The following CCDC102B variants were observed in gnomAD, a reference collection of about 807,000 sequenced individuals.
CCDC102B encodes the protein coiled-coil domain-containing protein 102B.
A neutral mutation model predicts 57.4 loss-of-function variants in CCDC102B; 75 were observed. The observed-to-expected ratio is 1.31, with a 90% CI of 1.08 to 1.58. The LOEUF is 1.58. Among genes scored for constraint, CCDC102B ranks in the 40% most tolerant of loss-of-function variants. The pLI is 0.00. For synonymous variants in CCDC102B, 206 were observed against 201.9 expected, an observed-to-expected ratio of 1.02 and a Z score of -0.17; for missense variants, 636 against 582.6, an observed-to-expected ratio of 1.09 and a Z score of -0.94.
In CCDC102B at chr18:68,837,365, A is replaced by G. The variant is rs765716600; in HGVS notation, c.602A>G (p.Asn201Ser). The G allele has an allele frequency of 6.2e-7, 1 of 1,603,170 alleles. No homozygotes were observed. The highest frequency in any genetic ancestry group is 1.3e-5 in the African/African-American group (1 of 74,422). Residue 201 changes from asparagine to serine, a missense_variant, in exon 2 of 8, where the codon AAT becomes AGT. Transcript: ENST00000360242. Reference sequence around the variant, plus strand: ...TTTTCTACAAAGGAGGACACAAATAATAAGGTAAGAAAAAAATCCAGAGAT... The same window carrying G: ...TTTTCTACAAAGGAGGACACAAATAGTAAGGTAAGAAAAAAATCCAGAGAT... Reference protein sequence around the residue: ...RQFSTKEDTNNKEQGVVIDSL... With the variant: ...RQFSTKEDTNSKEQGVVIDSL...
intron 2 of CCDC102B, among the ~76,000 whole-genome samples, chr18:68,765,324 GGAAA>G (rs1298584705): frequency 0.021 from 1,248 of 60,218 alleles, 7 homozygotes; most frequent in Admixed American, 0.041. Context: ...AAGGAAGGAA[GGAAA>G]GAAAGAAAGA....
chr18:68,741,727 T>G (rs2033401541), intron 2 of CCDC102B, among the ~76,000 whole-genome samples: 1 of 150,138 alleles, frequency 6.7e-6, no homozygotes. Flanking sequence ...CAAGACAATA[T>G]AGAAAGGTTT....
intron 2 of CCDC102B, among the ~76,000 whole-genome samples, chr18:68,791,938 C>T (rs953129721): frequency 1.3e-5 from 2 of 152,092 alleles, no homozygotes; most frequent in South Asian, 2.1e-4. Context: ...TTGGCAATGT[C>T]TGGTAACATT....
chr18:68,869,100 G>GTT (rs1409970877), intron 4 of CCDC102B, among the ~76,000 whole-genome samples: 1 of 152,152 alleles, frequency 6.6e-6, no homozygotes, highest in Non-Finnish European at 1.5e-5. Flanking sequence ...GAAGAAAAAT[G>GTT]TAAGGGAAAA....
intron 7 of CCDC102B, among the ~76,000 whole-genome samples, chr18:69,019,381 C>A (rs1261299485): frequency 6.6e-6 from 1 of 151,850 alleles, no homozygotes; most frequent in South Asian, 2.1e-4. Flanking sequence ...TCTTCAATTT[C>A]TTTTATCAAT....
chr18:68,733,510 T>TATACA (rs2032991610), intron 2 of CCDC102B, among the ~76,000 whole-genome samples: 1 of 128,850 alleles, frequency 7.8e-6, no homozygotes, highest in Non-Finnish European at 1.6e-5. Context: ...ATATATATTT[T>TATACA]TTTAACTTAA....
chr18:69,045,355 A>T (rs1453128438), intron 7 of CCDC102B, among the ~76,000 whole-genome samples: 1 of 152,102 alleles, frequency 6.6e-6, no homozygotes. Context: ...AATTATTAAC[A>T]TGTTAATCAT....
At chr18:68,915,636 T>C (rs2041045537) in intron 6 of CCDC102B, among the ~76,000 whole-genome samples, 1 of 152,234 alleles carries the variant, frequency 6.6e-6, no homozygotes, top group South Asian at 2.1e-4. Flanking sequence ...TGAGTGACTA[T>C]TTGTTAGCCT....
chr18:68,746,214 T>C (rs1250307489), intron 2 of CCDC102B, among the ~76,000 whole-genome samples: 2 of 152,336 alleles, frequency 1.3e-5, no homozygotes, highest in African/African-American at 2.4e-5. Flanking sequence ...AAGAGCTTCT[T>C]TCAAAAGAGC....
chr18:69,017,903 T>TG (rs1284622226), intron 7 of CCDC102B, among the ~76,000 whole-genome samples: 2 of 152,206 alleles, frequency 1.3e-5, no homozygotes, highest in Admixed American at 6.5e-5. Context: ...AGTCTTTCTG[T>TG]GTCTGGCTTA....
intron 5 of CCDC102B, among the ~76,000 whole-genome samples, chr18:68,886,741 C>T (rs946885351): frequency 2.2e-4 from 34 of 151,880 alleles, no homozygotes; most frequent in African/African-American, 6.5e-4. Context: ...TACTGCCTTG[C>T]TTAATAATGC....
chr18:68,774,919 T>TA, intron 2 of CCDC102B, among the ~76,000 whole-genome samples: 1 of 151,476 alleles, frequency 6.6e-6, no homozygotes, highest in Non-Finnish European at 1.5e-5. Flanking sequence ...TTTGAAATAT[T>TA]ATAGTTTTTC....
chr18:69,044,737 A>G (rs71368380), intron 7 of CCDC102B, among the ~76,000 whole-genome samples: 8 of 152,148 alleles, frequency 5.3e-5, no homozygotes, highest in African/African-American at 1.9e-4. Context: ...AGGAACAGTA[A>G]CAGTTGGGAA....
chr18:68,882,156 G>A (rs8092345), intron 5 of CCDC102B, among the ~76,000 whole-genome samples: 150,710 of 152,336 alleles, frequency 0.99, 74,577 homozygotes, highest in East Asian at 1. Flanking sequence ...TGCATGTTGC[G>A]CTTTAGCCAC....
At chr18:68,998,697 G>T (rs1421265578) in intron 6 of CCDC102B, among the ~76,000 whole-genome samples, 1 of 151,584 alleles carries the variant, frequency 6.6e-6, no homozygotes, top group Non-Finnish European at 1.5e-5. Context: ...GCTTTCAAGG[G>T]CAGGAAGCAT....
intron 6 of CCDC102B, among the ~76,000 whole-genome samples, chr18:68,945,122 C>CCACACACACACA (rs34611934): frequency 0.087 from 12,560 of 143,860 alleles, 603 homozygotes; most frequent in East Asian, 0.15. Context: ...CTCTCTCTCT[C>CCACACACACACA]CACACACACA....
chr18:68,725,686 G>A (rs543743320), intron 2 of CCDC102B, among the ~76,000 whole-genome samples: 1 of 152,278 alleles, frequency 6.6e-6, no homozygotes, highest in African/African-American at 2.4e-5. Context: ...TTGAGGGCCT[G>A]TGTGGTTATT....
intron 4 of CCDC102B, among the ~76,000 whole-genome samples, chr18:68,856,686 GA>G (rs1266334943): frequency 6.6e-6 from 1 of 152,016 alleles, no homozygotes; most frequent in Non-Finnish European, 1.5e-5. Context: ...GGAGCTTATA[GA>G]ATAATCTACG....
At chr18:68,953,881 T>C (rs1250707759) in intron 6 of CCDC102B, among the ~76,000 whole-genome samples, 1 of 152,112 alleles carries the variant, frequency 6.6e-6, no homozygotes, top group African/African-American at 2.4e-5. Context: ...TATCATGCGC[T>C]TTATATCTTT....
Sources: allele counts gnomAD v4.1 joint callset (sites outside exome capture counted in the v4.1 genomes callset), GRCh38; gene constraint gnomAD v4.1.1; transcripts MANE v1.5; gene names NCBI Gene and HGNC (gene_info 2026-07-23, HGNC 2026-07-21).